The following TP53BP1 variants were observed in gnomAD, a reference collection of about 807,000 sequenced individuals.
TP53BP1 encodes TP53-binding protein 1.
A neutral mutation model predicts 200.8 loss-of-function variants in TP53BP1; 61 were observed. That is an observed-to-expected ratio of 0.30 (90% CI 0.25 to 0.38). The LOEUF (loss-of-function observed/expected upper bound fraction) is 0.38, where lower values mean the gene tolerates loss of function less well. TP53BP1 is among the 10% of genes least tolerant of loss of function. TP53BP1 has a pLI of 1.00. For synonymous variants in TP53BP1, 822 were observed against 844.3 expected, an observed-to-expected ratio of 0.97 and a Z score of 0.46; for missense variants, 2,144 against 2,371.9, an observed-to-expected ratio of 0.90 and a Z score of 2.00.
intron 18 of TP53BP1, among the ~76,000 whole-genome samples, chr15:43,426,071 A>C (rs2045523610): frequency 6.6e-6 from 1 of 151,916 alleles, no homozygotes; most frequent in Non-Finnish European, 1.5e-5. Flanking sequence ...TCTCAAAAAA[A>C]AAAAAACAAA....
At chr15:43,418,439 T>A (rs571738109) in intron 21 of TP53BP1, among the ~76,000 whole-genome samples, 78 of 151,100 alleles carry the variant, frequency 5.2e-4, no homozygotes, top group African/African-American at 1.9e-3. Context: ...GAGGCAGAGG[T>A]TGCAGTGAGC....
At chr15:43,459,688 A>T (rs1195626366) in intron 11 of TP53BP1, among the ~76,000 whole-genome samples, 2 of 151,852 alleles carry the variant, frequency 1.3e-5, no homozygotes, top group Non-Finnish European at 2.9e-5. Context: ...TTTTAAAGAC[A>T]AGGCTTCACT....
At chr15:43,452,259 T>C (rs2245790) in intron 12 of TP53BP1, among the ~76,000 whole-genome samples, 43,031 of 152,208 alleles carry the variant, frequency 0.28, 10,291 homozygotes, top group African/African-American at 0.65. Flanking sequence ...TTATACAATT[T>C]TCTAAGTTAA....
intron 19 of TP53BP1, chr15:43,421,645 C>T (rs913915630): frequency 1.0e-4 from 67 of 668,638 alleles, no homozygotes; most frequent in Non-Finnish European, 1.6e-4. Context: ...TCAGGGGCTG[C>T]TTTGCCAATG....
intron 9 of TP53BP1, 141 bp downstream of exon 9, chr15:43,475,415 TTCTTCATCC>T (rs2140109380): frequency 1.2e-6 from 1 of 859,742 alleles, no homozygotes; most frequent in South Asian, 2.3e-5. Flanking sequence ...CCTTCAACAG[TTCTTCATCC>T]CCAAAGCTCT....
At chr15:43,427,974 G>T in intron 18 of TP53BP1, 42 bp downstream of exon 18, 735 of 928,678 alleles carry the variant, frequency 7.9e-4, no homozygotes, top group Non-Finnish European at 1.0e-3. Flanking sequence ...AAAAAAAAAA[G>T]AAAGAAAGAA....
chr15:43,414,171 G>A (rs1438001727), intron 23 of TP53BP1: 4 of 460,346 alleles, frequency 8.7e-6, no homozygotes, highest in Non-Finnish European at 1.8e-5. Flanking sequence ...GACGTTATAT[G>A]AACGAGGCTG....
chr15:43,477,800 C>T (rs1434395261), intron 7 of TP53BP1, 41 bp from the exon 8 acceptor site: 2 of 1,427,142 alleles, frequency 1.4e-6, no homozygotes, highest in African/African-American at 1.4e-5. Flanking sequence ...TTCCTAAGTT[C>T]AAATGTTTTT....
chr15:43,408,291 A>G (rs1360186683), intron 26 of TP53BP1: 1 of 533,230 alleles, frequency 1.9e-6, no homozygotes, highest in Non-Finnish European at 3.3e-6. Flanking sequence ...CAGCCTGGGC[A>G]ATGTGGTGAG....
intron 11 of TP53BP1, among the ~76,000 whole-genome samples, chr15:43,466,166 C>T (rs1210507855): frequency 1.3e-5 from 2 of 152,088 alleles, no homozygotes; most frequent in Non-Finnish European, 2.9e-5. Flanking sequence ...AAGAGGTATC[C>T]AACACAGACA....
intron 14 of TP53BP1, among the ~76,000 whole-genome samples, chr15:43,444,990 G>A (rs2467737): frequency 0.46 from 69,789 of 151,914 alleles, 20,796 homozygotes; most frequent in African/African-American, 0.85. Context: ...AATAACTCCC[G>A]CAAGCTTAGT....
chr15:43,453,148 A>G (rs2046211303), intron 12 of TP53BP1, among the ~76,000 whole-genome samples: 1 of 137,470 alleles, frequency 7.3e-6, no homozygotes, highest in African/African-American at 2.8e-5. Flanking sequence ...GAGCCGGGAT[A>G]GCGCCACTGC....
chr15:43,491,652 C>T lies in TP53BP1; in HGVS notation c.371+17G>A. On this transcript the variant is annotated intron_variant, in intron 4 of 27. Coordinates refer to ENST00000382044, the MANE Select transcript of TP53BP1 (RefSeq NM_001141980.3). ...TCTGATAATACATTTAAATAAACCC[C>T]TTCAAACACTGTATACCTGCTTGTC... 1 of 1,591,824 alleles carries T rather than the reference C, an allele frequency of 6.3e-7. No homozygotes were observed.
intron 11 of TP53BP1, among the ~76,000 whole-genome samples, chr15:43,459,433 T>C (rs1165399307): frequency 6.6e-6 from 1 of 152,212 alleles, no homozygotes; most frequent in Admixed American, 6.5e-5. Flanking sequence ...ATATTAATTA[T>C]AATTGAATAG....
At chr15:43,495,679 C>T (rs1324142667), upstream of TP53BP1, among the ~76,000 whole-genome samples, 1 of 146,090 alleles carries the variant, frequency 6.8e-6, no homozygotes, top group Non-Finnish European at 1.5e-5. Flanking sequence ...TAGCCGGGTG[C>T]GCGGGCAGGC....
At position 43,474,062 on chromosome 15, in the gene TP53BP1, C is replaced by G. The variant is rs1023336830; in HGVS notation, c.1180+611G>C. Among the ~76,000 whole-genome samples the G allele has an allele frequency of 2.0e-5, 3 of 152,358 alleles. No individual in the cohort carries two copies. In the East Asian group the frequency reaches 5.8e-4, roughly 29 times the overall value. ...AGGCCCGGCGAGAAATCAAGCGCAG[C>G]GCCGGTGGGCTAGCACTGCTGGGGG... is the stretch of plus-strand genomic sequence containing the variant. On this transcript the variant is annotated intron_variant, in intron 10 of 27. Transcript: ENST00000382044.
chr15:43,454,238 A>C (rs192176626), intron 12 of TP53BP1, among the ~76,000 whole-genome samples: 15 of 152,114 alleles, frequency 9.9e-5, no homozygotes, highest in Admixed American at 9.8e-4. Context: ...CAAACCAAAA[A>C]ATATGGTCAC....
intron 18 of TP53BP1, 68 bp downstream of exon 18, chr15:43,427,948 C>T: frequency 2.6e-6 from 3 of 1,165,236 alleles, no homozygotes; most frequent in Non-Finnish European, 3.6e-6. Context: ...CAAAGTAAGA[C>T]CCTGTCTCCA....
At chr15:43,479,749 C>T in intron 6 of TP53BP1, 110 bp downstream of exon 6, 1 of 1,364,900 alleles carries the variant, frequency 7.3e-7, no homozygotes, top group Non-Finnish European at 1.0e-6. Flanking sequence ...TACTAAATTA[C>T]TTAGATTATA....
Sources: gnomAD v4.1 joint callset for allele counts (sites outside exome capture counted in the v4.1 genomes callset) on GRCh38, gnomAD v4.1.1 for gene constraint, MANE v1.5 for transcripts, NCBI Gene and HGNC (gene_info 2026-07-23, HGNC 2026-07-21) for gene names.